GOLGA5: variants seen among roughly 807,000 people sequenced by gnomAD.
GOLGA5 encodes golgin A5.
GOLGA5 carries 50 observed loss-of-function variants against 93.5 expected under a neutral mutation model. The ratio of observed to expected loss-of-function variants is 0.53; its 90% confidence interval spans 0.43 to 0.68. The LOEUF (loss-of-function observed/expected upper bound fraction) is 0.68. Among genes scored for constraint, GOLGA5 ranks in the 30% least tolerant of loss-of-function variants. The pLI is 0.00. For synonymous variants in GOLGA5, 312 were observed against 304.5 expected (o/e 1.02, Z -0.26); for missense variants, 760 against 856.4 (o/e 0.89, Z 1.40).
chr14:92,803,208 T>G (rs1884911213), intron 2 of GOLGA5, among the ~76,000 whole-genome samples: 1 of 152,006 alleles, frequency 6.6e-6, no homozygotes, highest in African/African-American at 2.4e-5. Flanking sequence ...GGTAATTTTG[T>G]TCATTTTTTG....
intron 6 of GOLGA5, among the ~76,000 whole-genome samples, chr14:92,814,125 A>C (rs1042459877): frequency 1.3e-5 from 2 of 152,170 alleles, no homozygotes; most frequent in African/African-American, 4.8e-5. Flanking sequence ...TTAGAAAGGT[A>C]ATTAGAAGTA....
At chr14:92,807,065 C>T (rs112701736) in intron 3 of GOLGA5, 102 bp downstream of exon 3, 19 of 741,812 alleles carry the variant, frequency 2.6e-5, no homozygotes, top group African/African-American at 7.0e-5. Flanking sequence ...TTTGGGAGGC[C>T]GAGGCGGGCG....
At chr14:92,823,672 C>T (rs956066201) in intron 8 of GOLGA5, among the ~76,000 whole-genome samples, 2 of 152,094 alleles carry the variant, frequency 1.3e-5, no homozygotes, top group African/African-American at 2.4e-5. Flanking sequence ...ACTTCAGCCT[C>T]CCCAAGTGCT....
At position 92,816,525 on chromosome 14, in the gene GOLGA5, T is replaced by C. The variant is rs112281485; in HGVS notation, c.1491+104T>C. 893 of 790,600 alleles carry C rather than the reference T, an allele frequency of 1.1e-3. 3 individuals carry two copies. The African/African-American group carries it at 0.019, about 17-fold the overall frequency. The allele number at this position is 790,600 out of a possible 1,614,324, so 49.0% of individuals were successfully genotyped here. ...TTACTAAAGCGATAGGTTTCTCGCTTCTCTTCGCTTCGCTTCGCTTCTCTT... is the reference window on the plus strand; with the variant it reads ...TTACTAAAGCGATAGGTTTCTCGCTCCTCTTCGCTTCGCTTCGCTTCTCTT... On this transcript the variant is annotated intron_variant, in intron 7 of 12. Transcript: ENST00000163416.
intron 9 of GOLGA5, among the ~76,000 whole-genome samples, chr14:92,829,620 C>T (rs1378800894): frequency 3.3e-5 from 5 of 152,114 alleles, no homozygotes; most frequent in African/African-American, 9.7e-5. Flanking sequence ...TGCTTCTTAC[C>T]GATGAGCTAA....
rs367603631 is a variant in GOLGA5 at position 92,806,718 on chromosome 14, G to C, written c.545-18G>C. 2.3e-4 allele frequency: 357 copies of C among 1,549,574 alleles called. 1 individual carries two copies. Among genetic ancestry groups the C allele is most frequent in the East Asian group, 2.7e-4 (12 of 44,582 alleles). ...ATGAACACGCCAATGTAACAAAAACGTATTCTTTTTTTTACAGAAGCTGCC... is the reference window on the plus strand; with the variant it reads ...ATGAACACGCCAATGTAACAAAAACCTATTCTTTTTTTTACAGAAGCTGCC... On this transcript the variant is annotated intron_variant, in intron 2 of 12. Coordinates refer to ENST00000163416, the MANE Select transcript of GOLGA5 (RefSeq NM_005113.4).
intron 8 of GOLGA5, among the ~76,000 whole-genome samples, chr14:92,822,579 A>T (rs1008786102): frequency 2.4e-4 from 36 of 152,186 alleles, no homozygotes; most frequent in African/African-American, 7.5e-4. Flanking sequence ...TTTGTCTATA[A>T]TATGAATTGC....
At chr14:92,825,833 G>T (rs1325665243) in intron 9 of GOLGA5, among the ~76,000 whole-genome samples, 2 of 135,614 alleles carry the variant, frequency 1.5e-5, no homozygotes, top group African/African-American at 5.6e-5. Flanking sequence ...TCCACCTTGA[G>T]TGACAGAGTG....
At chr14:92,812,135 T>C (rs1280642076) in intron 6 of GOLGA5, among the ~76,000 whole-genome samples, 1 of 152,212 alleles carries the variant, frequency 6.6e-6, no homozygotes, top group Non-Finnish European at 1.5e-5. Context: ...TTTCCCCTCC[T>C]TCAGATCTAA....
At chr14:92,822,261 T>A (rs998300805) in intron 8 of GOLGA5, among the ~76,000 whole-genome samples, 10 of 152,378 alleles carry the variant, frequency 6.6e-5, no homozygotes, top group African/African-American at 2.4e-4. Context: ...TTGAGCTAAA[T>A]GTTTAACAGA....
chr14:92,806,723 C>CTT lies in GOLGA5; in HGVS notation c.545-6_545-5dup. 6.4e-7 allele frequency: 1 copy of CTT among 1,571,042 alleles called. No individual in the cohort carries two copies. Among genetic ancestry groups the CTT allele is most frequent in the Non-Finnish European group, 8.8e-7 (1 of 1,141,434 alleles). ...CACGCCAATGTAACAAAAACGTATT[C>CTT]TTTTTTTTACAGAAGCTGCCAGTAA... On this transcript the variant is annotated splice_polypyrimidine_tract_variant and intron_variant, in intron 2 of 12. Coordinates refer to ENST00000163416, the MANE Select transcript of GOLGA5 (RefSeq NM_005113.4).
intron 9 of GOLGA5, among the ~76,000 whole-genome samples, chr14:92,829,159 C>T (rs992927478): frequency 1.3e-5 from 2 of 152,210 alleles, no homozygotes; most frequent in East Asian, 3.9e-4. Context: ...AATGAGGTCT[C>T]ACTATGTTCC....
At chr14:92,795,800 T>G (rs1884713387) in intron 1 of GOLGA5, among the ~76,000 whole-genome samples, 1 of 152,256 alleles carries the variant, frequency 6.6e-6, no homozygotes. Context: ...AGATAATGAT[T>G]GACCTAACTT....
chr14:92,830,121 C>T (rs569979714), intron 9 of GOLGA5, among the ~76,000 whole-genome samples: 2 of 152,332 alleles, frequency 1.3e-5, no homozygotes, highest in East Asian at 3.9e-4. Context: ...GAGTTCGAGA[C>T]TAGCCTGACC....
intron 7 of GOLGA5, among the ~76,000 whole-genome samples, chr14:92,816,644 C>T (rs1017894339): frequency 6.6e-6 from 1 of 152,162 alleles, no homozygotes; most frequent in Admixed American, 6.5e-5. Context: ...TCACTGCAGC[C>T]TCGAACTCCT....
At chr14:92,804,524 G>T (rs1394045965) in intron 2 of GOLGA5, among the ~76,000 whole-genome samples, 1 of 151,484 alleles carries the variant, frequency 6.6e-6, no homozygotes, top group South Asian at 2.1e-4. Flanking sequence ...TGCACCCTCC[G>T]CACAATTAAT....
intron 9 of GOLGA5, among the ~76,000 whole-genome samples, chr14:92,827,326 G>A (rs553525861): frequency 6.6e-6 from 1 of 152,276 alleles, no homozygotes; most frequent in African/African-American, 2.4e-5. Context: ...TCACATTTTG[G>A]TAATTCTCAC....
At chr14:92,821,955 T>C (rs1885325406) in intron 8 of GOLGA5, among the ~76,000 whole-genome samples, 1 of 152,244 alleles carries the variant, frequency 6.6e-6, no homozygotes, top group South Asian at 2.1e-4. Context: ...TTACCGTACC[T>C]CTTCCCAGTG....
chr14:92,819,285 A>G (rs951723531), intron 7 of GOLGA5, among the ~76,000 whole-genome samples: 4 of 152,258 alleles, frequency 2.6e-5, no homozygotes, highest in Middle Eastern at 3.4e-3. Flanking sequence ...TATGCTCCCT[A>G]TAGGCTGAAA....
Sources: gnomAD v4.1 joint callset for allele counts (sites outside exome capture counted in the v4.1 genomes callset) on GRCh38, gnomAD v4.1.1 for gene constraint, MANE v1.5 for transcripts, NCBI Gene and HGNC (gene_info 2026-07-23, HGNC 2026-07-21) for gene names.